Variants in PRDM5 observed in about 807,000 individuals in gnomAD.
PRDM5 encodes the protein PR domain zinc finger protein 5.
In PRDM5, 56 loss-of-function variants were observed where a neutral mutation model predicts 81.2. The ratio of observed to expected loss-of-function variants is 0.69; its 90% CI spans 0.56 to 0.86. The LOEUF (loss-of-function observed/expected upper bound fraction) is 0.86. Among genes scored for constraint, PRDM5 ranks in the 40% least tolerant of loss-of-function variants. The pLI is 0.00. For synonymous variants in PRDM5, 267 were observed against 256.4 expected, an observed-to-expected ratio of 1.04 and a Z score of -0.39; for missense variants, 697 against 770.1, an observed-to-expected ratio of 0.91 and a Z score of 1.12.
chr4:120,751,865 T>C (rs868808267), intron 14 of PRDM5, among the ~76,000 whole-genome samples: 3 of 152,320 alleles, frequency 2.0e-5, no homozygotes, highest in Admixed American at 6.5e-5. Flanking sequence ...TCTTGGGTTG[T>C]CTTACCAAAA....
intron 10 of PRDM5, among the ~76,000 whole-genome samples, chr4:120,793,753 G>A (rs1750926023): frequency 6.6e-6 from 1 of 151,788 alleles, no homozygotes. Context: ...TTTTTGTGTG[G>A]TGAGAACACT....
chr4:120,866,944 G>C (rs896063), intron 2 of PRDM5, among the ~76,000 whole-genome samples: 2,389 of 152,272 alleles, frequency 0.016, 56 homozygotes, highest in African/African-American at 0.054. Context: ...GGTAAGTATA[G>C]AAGTTAAAGA....
chr4:120,707,422 A>G (rs1015685020), intron 15 of PRDM5, among the ~76,000 whole-genome samples: 19 of 152,044 alleles, frequency 1.2e-4, no homozygotes, highest in Admixed American at 3.3e-4. Context: ...CTAGGTAAAA[A>G]GGGAGATTTC....
Position 120,898,879 on chromosome 4 carries a change from G to C in PRDM5, c.177+8595C>G, listed in dbSNP as rs1174742322. On this transcript the variant is annotated intron_variant, in intron 2 of 15. Coordinates refer to ENST00000264808, the MANE Select transcript of PRDM5 (RefSeq NM_018699.4). ...TCCTAGGGGCAGCAATCAGACTGAAGACTGTCTGACTGTCTGATAGCGCTC... is the reference window on the plus strand; with the variant it reads ...TCCTAGGGGCAGCAATCAGACTGAACACTGTCTGACTGTCTGATAGCGCTC... 2.6e-5 allele frequency among the ~76,000 whole-genome samples: 4 copies of C among 152,266 alleles called. No homozygotes were observed. The South Asian group carries it at 8.3e-4, about 32-fold the overall frequency.
At chr4:120,737,581 G>A (rs570549266) in intron 14 of PRDM5, among the ~76,000 whole-genome samples, 1 of 152,312 alleles carries the variant, frequency 6.6e-6, no homozygotes, top group South Asian at 2.1e-4. Context: ...CACAAGCAGG[G>A]CCTGTGACAC....
intron 13 of PRDM5, among the ~76,000 whole-genome samples, chr4:120,767,170 A>G (rs1303992709): frequency 6.6e-6 from 1 of 152,234 alleles, no homozygotes; most frequent in African/African-American, 2.4e-5. Flanking sequence ...CATAAATACT[A>G]AAATTCCTCC....
intron 15 of PRDM5, 151 bp from the exon 16 acceptor site, chr4:120,695,426 G>C (rs1480879996): frequency 3.6e-6 from 3 of 837,694 alleles, no homozygotes; most frequent in East Asian, 5.3e-5. Flanking sequence ...CCTTTTCCCA[G>C]CTGCTGGATT....
At chr4:120,865,863 T>C (rs1761148923) in intron 2 of PRDM5, among the ~76,000 whole-genome samples, 1 of 152,082 alleles carries the variant, frequency 6.6e-6, no homozygotes, top group Admixed American at 6.6e-5. Flanking sequence ...CCACCAGGAC[T>C]TCTCCAGCCT....
chr4:120,915,334 T>C (rs747609852), intron 1 of PRDM5, among the ~76,000 whole-genome samples: 7 of 152,132 alleles, frequency 4.6e-5, no homozygotes, highest in Non-Finnish European at 8.8e-5. Context: ...TTTTAACAAC[T>C]TGCTAAAGGA....
downstream of PRDM5, among the ~76,000 whole-genome samples, chr4:120,690,399 A>T (rs13146556): frequency 0.17 from 26,203 of 152,152 alleles, 2,584 homozygotes; most frequent in Non-Finnish European, 0.24. Context: ...AAGATGAGAC[A>T]GTGAGAAAGG....
At chr4:120,848,617 G>A (rs1340065200) in intron 3 of PRDM5, among the ~76,000 whole-genome samples, 1 of 152,146 alleles carries the variant, frequency 6.6e-6, no homozygotes, top group African/African-American at 2.4e-5. Flanking sequence ...CATTCAGTAA[G>A]TGTTAGCTGC....
chr4:120,718,026 A>G (rs1016355483), intron 14 of PRDM5, among the ~76,000 whole-genome samples: 1 of 152,190 alleles, frequency 6.6e-6, no homozygotes, highest in African/African-American at 2.4e-5. Flanking sequence ...CATGGCGAGG[A>G]CTGTCAGAGC....
rs530134049 is a variant in PRDM5, at chr4:120,735,199, C to A, written c.1623+19354G>T. On this transcript the variant is annotated intron_variant, in intron 14 of 15. Coordinates refer to ENST00000264808, the MANE Select transcript of PRDM5 (RefSeq NM_018699.4). ...CAATTCTTTTGCTTTTAATTTTTGA[C>A]ATTATGTGAGATAATCAAGAAAGGC... 1.1e-4 allele frequency among the ~76,000 whole-genome samples: 17 copies of A among 152,264 alleles called. No individual in the cohort carries two copies. In the East Asian group the frequency reaches 2.5e-3, roughly 22 times the overall value.
chr4:120,767,116 G>T (rs1292058614), intron 13 of PRDM5, among the ~76,000 whole-genome samples: 1 of 152,048 alleles, frequency 6.6e-6, no homozygotes, highest in African/African-American at 2.4e-5. Context: ...TGAAGGAATT[G>T]AAGGATGTTT....
rs1024966561 is a variant in PRDM5 at position 120,692,008 on chromosome 4, G to A, written c.*3103C>T. 11 of 151,754 alleles carry A rather than the reference G, an allele frequency of 7.2e-5. No homozygotes were observed. The highest frequency in any genetic ancestry group is 1.2e-4 in the African/African-American group (5 of 41,364). 9.4% of individuals were successfully genotyped at this position (151,754 alleles called of 1,614,324 possible). A position where few individuals can be genotyped will look rare whatever the true frequency, so the allele number is the denominator to read the frequency against. ...TTACACATGCTCCATTTATATACAC[G>A]CAAACAAATGTCAATATCAATGGTA... On this transcript the variant is annotated 3_prime_UTR_variant, in exon 16 of 16. Transcript: ENST00000264808.
intron 15 of PRDM5, among the ~76,000 whole-genome samples, chr4:120,701,007 C>T (rs956811757): frequency 3.9e-5 from 6 of 152,042 alleles, no homozygotes; most frequent in Admixed American, 1.3e-4. Flanking sequence ...TGCCTGTAGT[C>T]CCAGCTAGTC....
chr4:120,764,804 C>T (rs924310214), intron 13 of PRDM5, among the ~76,000 whole-genome samples: 6 of 152,136 alleles, frequency 3.9e-5, no homozygotes, highest in Admixed American at 6.5e-5. Flanking sequence ...CTCAACGTTT[C>T]TGTTAACTCT....
At chr4:120,821,561 CAT>C (rs1755275046) in intron 3 of PRDM5, among the ~76,000 whole-genome samples, 1 of 152,026 alleles carries the variant, frequency 6.6e-6, no homozygotes, top group African/African-American at 2.4e-5. Flanking sequence ...GACATTTACA[CAT>C]GTCAAATGAA....
At chr4:120,881,259 G>C (rs1762817251) in intron 2 of PRDM5, among the ~76,000 whole-genome samples, 1 of 152,090 alleles carries the variant, frequency 6.6e-6, no homozygotes, top group South Asian at 2.1e-4. Flanking sequence ...AAAATCTTCA[G>C]AGTCAGCAGT....
Sources: allele counts gnomAD v4.1 joint callset (sites outside exome capture counted in the v4.1 genomes callset), GRCh38; gene constraint gnomAD v4.1.1; transcripts MANE v1.5; gene names NCBI Gene and HGNC (gene_info 2026-07-23, HGNC 2026-07-21).